Variants in USP37 observed in about 807,000 individuals in gnomAD.
USP37 encodes ubiquitin specific peptidase 37, also known as ubiquitin carboxyl-terminal hydrolase 37.
USP37 carries 27 observed loss-of-function variants against 124.0 expected under a neutral mutation model. The ratio of observed to expected loss-of-function variants is 0.22; its 90% confidence interval spans 0.16 to 0.30. The LOEUF is 0.30. USP37 is among the 10% of genes least tolerant of loss of function. USP37 has a pLI of 1.00. For missense variants in USP37, 889 were observed against 1,140.4 expected (o/e 0.78, Z 3.17); for synonymous variants, 365 against 388.0 (o/e 0.94, Z 0.70).
At chr2:218,504,872 C>T (rs1235123309) in intron 11 of USP37, among the ~76,000 whole-genome samples, 2 of 152,162 alleles carry the variant, frequency 1.3e-5, no homozygotes, top group Non-Finnish European at 2.9e-5. Flanking sequence ...CAGGCGTGAG[C>T]CATTACACTC....
At chr2:218,508,760 G>C (rs1689819449) in intron 11 of USP37, among the ~76,000 whole-genome samples, 1 of 152,114 alleles carries the variant, frequency 6.6e-6, no homozygotes, top group Non-Finnish European at 1.5e-5. Context: ...GAAAGCAACA[G>C]GTAAGCAGAA....
intron 9 of USP37, among the ~76,000 whole-genome samples, chr2:218,532,762 C>G (rs868081030): frequency 5.9e-5 from 9 of 151,886 alleles, no homozygotes; most frequent in African/African-American, 1.9e-4. Flanking sequence ...AACCATGTCT[C>G]TACAAAAAAT....
intron 8 of USP37, among the ~76,000 whole-genome samples, chr2:218,538,784 T>C (rs1691803017): frequency 6.6e-6 from 1 of 152,166 alleles, no homozygotes; most frequent in Non-Finnish European, 1.5e-5. Flanking sequence ...TTAATCCTTA[T>C]TGGGACTGAC....
chr2:218,498,714 G>A (rs985054530), intron 11 of USP37, among the ~76,000 whole-genome samples: 6 of 152,054 alleles, frequency 3.9e-5, no homozygotes, highest in African/African-American at 1.4e-4. Flanking sequence ...GCAACAGAGT[G>A]AGACTCTGTC....
intron 11 of USP37, among the ~76,000 whole-genome samples, chr2:218,505,361 A>G (rs758929662): frequency 6.6e-5 from 10 of 151,984 alleles, no homozygotes; most frequent in Non-Finnish European, 1.2e-4. Context: ...TATTCTCACC[A>G]TTGTTTGTCT....
At chr2:218,544,958 T>C (rs1028568231) in intron 8 of USP37, among the ~76,000 whole-genome samples, 2 of 152,166 alleles carry the variant, frequency 1.3e-5, no homozygotes, top group Admixed American at 6.5e-5. Flanking sequence ...AAGGTACATT[T>C]AGACCTTCTA....
At position 218,488,431 on chromosome 2, in the gene USP37, T is replaced by C; in HGVS notation, c.1473-10A>G. ...GATAATCTCTCCACATCTGTAAGAA[T>C]AAAATGAGACATGTAAGCATTTAGA... On this transcript the variant is annotated splice_polypyrimidine_tract_variant and intron_variant, in intron 14 of 25. Coordinates refer to ENST00000258399, the MANE Select transcript of USP37 (RefSeq NM_020935.3). 1 of 1,548,196 alleles carries C rather than the reference T, an allele frequency of 6.5e-7. No individual in the cohort carries two copies. The highest frequency in any genetic ancestry group is 8.8e-7 in the Non-Finnish European group (1 of 1,134,518).
At chr2:218,480,014 C>T (rs934555718) in intron 17 of USP37, among the ~76,000 whole-genome samples, 4 of 151,786 alleles carry the variant, frequency 2.6e-5, no homozygotes, top group African/African-American at 7.2e-5. Flanking sequence ...GGTTTGGCGG[C>T]GGGTGCTTGT....
chr2:218,563,056 G>A (rs902736110), intron 1 of USP37, among the ~76,000 whole-genome samples: 3 of 151,816 alleles, frequency 2.0e-5, no homozygotes, highest in Admixed American at 6.6e-5. Context: ...CCAGCTACTC[G>A]GGAGGCTGAG....
At chr2:218,458,313 T>C (rs1414887172) in intron 23 of USP37, among the ~76,000 whole-genome samples, 2 of 144,008 alleles carry the variant, frequency 1.4e-5, no homozygotes, top group African/African-American at 5.1e-5. Flanking sequence ...GGCTCAGGCC[T>C]GTAATCCCCA....
intron 11 of USP37, among the ~76,000 whole-genome samples, chr2:218,506,819 C>A (rs565795601): frequency 4.7e-5 from 7 of 150,250 alleles, no homozygotes; most frequent in Non-Finnish European, 1.0e-4. Flanking sequence ...CTTTTTGAGA[C>A]GGAGTTTTGC....
At chr2:218,460,470 C>T (rs562215695) in intron 22 of USP37, among the ~76,000 whole-genome samples, 328 of 152,062 alleles carry the variant, frequency 2.2e-3, no homozygotes, top group Non-Finnish European at 3.3e-3. Context: ...AGGGATCTAA[C>T]CCTTATAAGA....
chr2:218,512,573 TG>T (rs1690060964), intron 10 of USP37, among the ~76,000 whole-genome samples: 1 of 152,108 alleles, frequency 6.6e-6, no homozygotes, highest in Admixed American at 6.5e-5. Context: ...ATGGGAAAAG[TG>T]TATAAAAATC....
chr2:218,468,955 A>G (rs1488105248), intron 20 of USP37, among the ~76,000 whole-genome samples: 1 of 152,148 alleles, frequency 6.6e-6, no homozygotes, highest in Non-Finnish European at 1.5e-5. Context: ...GGCCTCCCAA[A>G]GTGCTGGGAT....
intron 20 of USP37, among the ~76,000 whole-genome samples, chr2:218,469,192 T>A (rs1261352998): frequency 6.6e-6 from 1 of 152,156 alleles, no homozygotes; most frequent in Admixed American, 6.5e-5. Context: ...TTACAGATAA[T>A]CCCAATTAAA....
chr2:218,502,161 A>C (rs1689422962), intron 11 of USP37, among the ~76,000 whole-genome samples: 1 of 152,160 alleles, frequency 6.6e-6, no homozygotes, highest in Non-Finnish European at 1.5e-5. Flanking sequence ...TAAACAGGAG[A>C]CTCAAAACAA....
chr2:218,489,765 A>G (rs1443129806), intron 14 of USP37, among the ~76,000 whole-genome samples: 1 of 152,066 alleles, frequency 6.6e-6, no homozygotes, highest in Non-Finnish European at 1.5e-5. Context: ...GGCACCAGCC[A>G]CCACACCTGG....
chr2:218,539,741 G>A (rs1691872555), intron 8 of USP37, among the ~76,000 whole-genome samples: 1 of 152,058 alleles, frequency 6.6e-6, no homozygotes, highest in African/African-American at 2.4e-5. Context: ...GCCGGGCGCA[G>A]TGGCTCATGG....
intron 23 of USP37, among the ~76,000 whole-genome samples, chr2:218,457,933 G>T (rs981697147): frequency 6.6e-6 from 1 of 151,572 alleles, no homozygotes; most frequent in East Asian, 1.9e-4. Flanking sequence ...CCAGCTGCTC[G>T]GGAGGCTGAG....
Sources: gnomAD v4.1 joint callset for allele counts (sites outside exome capture counted in the v4.1 genomes callset) on GRCh38, gnomAD v4.1.1 for gene constraint, MANE v1.5 for transcripts, NCBI Gene and HGNC (gene_info 2026-07-23, HGNC 2026-07-21) for gene names.